Variants in PCMTD1 observed in about 807,000 individuals in gnomAD.
PCMTD1 encodes the protein protein-L-isoaspartate (D-aspartate) O-methyltransferase domain containing 1.
In PCMTD1, 12 loss-of-function variants were observed where a neutral mutation model predicts 37.6. That is an observed-to-expected ratio of 0.32 (90% CI 0.20 to 0.52). The LOEUF (loss-of-function observed/expected upper bound fraction) is 0.52, where lower values mean the gene tolerates loss of function less well. PCMTD1 is among the 20% of genes least tolerant of loss of function. The pLI, the probability that PCMTD1 is intolerant of heterozygous loss-of-function variation, is 0.97. For missense variants in PCMTD1, 235 were observed against 421.3 expected (o/e 0.56, Z 3.87); for synonymous variants, 117 against 135.8 (o/e 0.86, Z 0.96).
chr8:51,860,391 T>C (rs1304155227), intron 2 of PCMTD1: 1 of 156,536 alleles, frequency 6.4e-6, no homozygotes, highest in East Asian at 1.9e-4. Context: ...TTAATGAACA[T>C]ATACTTCTTT....
At chr8:51,864,217 TTAAA>T (rs1392644257) in intron 1 of PCMTD1, among the ~76,000 whole-genome samples, 1 of 152,182 alleles carries the variant, frequency 6.6e-6, no homozygotes, top group Non-Finnish European at 1.5e-5. Context: ...CAGAACAATT[TTAAA>T]TATATATGCA....
At chr8:51,843,626 A>T (rs898671098) in intron 3 of PCMTD1, among the ~76,000 whole-genome samples, 29 of 151,910 alleles carry the variant, frequency 1.9e-4, no homozygotes, top group African/African-American at 6.5e-4. Context: ...GAGAATTTTT[A>T]AAAATTGAGA....
intron 1 of PCMTD1, among the ~76,000 whole-genome samples, chr8:51,863,140 T>C (rs1305409587): frequency 6.6e-6 from 1 of 152,142 alleles, no homozygotes; most frequent in Admixed American, 6.6e-5. Context: ...CACTAGGAGA[T>C]AGTCTCTGTC....
At chr8:51,822,783 A>G (rs1186685173) in intron 5 of PCMTD1, among the ~76,000 whole-genome samples, 4 of 152,202 alleles carry the variant, frequency 2.6e-5, no homozygotes, top group African/African-American at 9.6e-5. Flanking sequence ...AGTAGAAGAA[A>G]GCACCCAGAA....
intron 2 of PCMTD1, among the ~76,000 whole-genome samples, chr8:51,859,817 G>C (rs547663516): frequency 6.6e-6 from 1 of 152,106 alleles, no homozygotes; most frequent in Non-Finnish European, 1.5e-5. Context: ...CATCACTTTA[G>C]AATGAATTTT....
intron 1 of PCMTD1, among the ~76,000 whole-genome samples, chr8:51,873,171 T>G (rs900074933): frequency 3.9e-5 from 6 of 152,166 alleles, no homozygotes; most frequent in African/African-American, 1.4e-4. Context: ...TACAATTTCT[T>G]AAGTACCATA....
At chr8:51,860,778 A>G in intron 2 of PCMTD1, 67 bp downstream of exon 2, 1 of 1,322,872 alleles carries the variant, frequency 7.6e-7, no homozygotes, top group South Asian at 1.5e-5. Flanking sequence ...TACAACTCCT[A>G]TAAATCATAA....
chr8:51,869,058 G>A (rs1014891760), intron 1 of PCMTD1, among the ~76,000 whole-genome samples: 4 of 123,948 alleles, frequency 3.2e-5, no homozygotes, highest in Non-Finnish European at 3.9e-5. Context: ...ACAGCAGGAT[G>A]TAACCAATTC....
intron 5 of PCMTD1, chr8:51,827,281 T>C (rs2129274221): frequency 8.1e-7 from 1 of 1,236,014 alleles, no homozygotes; most frequent in South Asian, 1.4e-5. Flanking sequence ...TTCTCCTTAT[T>C]GTAGAATTTC....
chr8:51,888,079 A>G (rs889004427), intron 1 of PCMTD1, among the ~76,000 whole-genome samples: 26 of 152,216 alleles, frequency 1.7e-4, no homozygotes, highest in African/African-American at 6.0e-4. Context: ...CTCTATTAGA[A>G]GAAACTGTGC....
intron 5 of PCMTD1, 106 bp downstream of exon 5, chr8:51,831,338 C>A: frequency 2.9e-5 from 30 of 1,048,720 alleles, no homozygotes; most frequent in Non-Finnish European, 3.7e-5. Flanking sequence ...AAATATCTTA[C>A]TGCATAAGTA....
At chr8:51,894,412 GCA>G (rs1416049412) in intron 1 of PCMTD1, among the ~76,000 whole-genome samples, 3 of 152,196 alleles carry the variant, frequency 2.0e-5, no homozygotes, top group Non-Finnish European at 4.4e-5. Context: ...CTCAGCAGAG[GCA>G]CAGTGGTCAA....
At chr8:51,884,423 C>G (rs1436537967) in intron 1 of PCMTD1, among the ~76,000 whole-genome samples, 1 of 152,130 alleles carries the variant, frequency 6.6e-6, no homozygotes, top group African/African-American at 2.4e-5. Flanking sequence ...ATCATTTTAC[C>G]TAAAAGAAAA....
intron 1 of PCMTD1, among the ~76,000 whole-genome samples, chr8:51,863,747 C>T (rs1024958175): frequency 6.6e-6 from 1 of 152,056 alleles, no homozygotes; most frequent in African/African-American, 2.4e-5. Context: ...CATGGTGAAA[C>T]CCTGTCTCTA....
At chr8:51,848,481 T>C (rs1405418908) in intron 2 of PCMTD1, among the ~76,000 whole-genome samples, 1 of 152,190 alleles carries the variant, frequency 6.6e-6, no homozygotes, top group Non-Finnish European at 1.5e-5. Flanking sequence ...AGGCTTCTAA[T>C]CCATAGTTCA....
chr8:51,879,132 G>C (rs1031956845), intron 1 of PCMTD1, among the ~76,000 whole-genome samples: 5 of 145,678 alleles, frequency 3.4e-5, no homozygotes, highest in African/African-American at 1.3e-4. Context: ...TGTCTCAAAA[G>C]AAAAAAGAAA....
intron 1 of PCMTD1, among the ~76,000 whole-genome samples, chr8:51,862,309 T>G (rs944692243): frequency 6.6e-6 from 1 of 151,946 alleles, no homozygotes; most frequent in African/African-American, 2.4e-5. Flanking sequence ...ACCACAAATT[T>G]TATTAATAAC....
At chr8:51,886,737 T>C (rs1318092177) in intron 1 of PCMTD1, among the ~76,000 whole-genome samples, 1 of 152,226 alleles carries the variant, frequency 6.6e-6, no homozygotes, top group Non-Finnish European at 1.5e-5. Flanking sequence ...ACAGTATATT[T>C]ACCTGTATTA....
intron 1 of PCMTD1, among the ~76,000 whole-genome samples, chr8:51,867,536 AAAG>A (rs1435383404): frequency 1.7e-4 from 25 of 150,988 alleles, no homozygotes; most frequent in African/African-American, 6.1e-4. Context: ...AATTTGAGAG[AAAG>A]AAGAAAAAGA....
Sources: allele counts gnomAD v4.1 joint callset (sites outside exome capture counted in the v4.1 genomes callset), GRCh38; gene constraint gnomAD v4.1.1; transcripts MANE v1.5; gene names NCBI Gene and HGNC (gene_info 2026-07-23, HGNC 2026-07-21).